DCHS2: variants seen among roughly 807,000 people sequenced by gnomAD.
DCHS2 encodes the protein protocadherin-23.
In DCHS2, 142 loss-of-function variants were observed where a neutral mutation model predicts 182.4. The ratio of observed to expected loss-of-function variants is 0.78; its 90% CI spans 0.68 to 0.89. DCHS2 has a LOEUF of 0.89. Among genes scored for constraint, DCHS2 ranks in the 40% least tolerant of loss-of-function variants. DCHS2 has a pLI of 0.00. For missense variants in DCHS2, 4,319 were observed against 4,198.6 expected, an observed-to-expected ratio of 1.03 and a Z score of -0.79; for synonymous variants, 1,740 against 1,663.3, an observed-to-expected ratio of 1.05 and a Z score of -1.12.
At chr4:154,459,970 C>A (rs1734945628) in intron 1 of DCHS2, among the ~76,000 whole-genome samples, 1 of 152,162 alleles carries the variant, frequency 6.6e-6, no homozygotes, top group South Asian at 2.1e-4. Context: ...GATGGACCAG[C>A]AGCTGATTGG....
chr4:154,364,845 A>G (rs1348936935), intron 3 of DCHS2, among the ~76,000 whole-genome samples: 1 of 152,198 alleles, frequency 6.6e-6, no homozygotes, highest in Non-Finnish European at 1.5e-5. Flanking sequence ...TATCATTACC[A>G]TTACAATAGA....
At chr4:154,300,121 G>A (rs777011027) in intron 12 of DCHS2, among the ~76,000 whole-genome samples, 6 of 152,150 alleles carry the variant, frequency 3.9e-5, no homozygotes, top group Admixed American at 3.3e-4. Flanking sequence ...GAATTAACAG[G>A]CTGCAAATGT....
intron 13 of DCHS2, among the ~76,000 whole-genome samples, chr4:154,283,789 C>T (rs1028733830): frequency 2.0e-5 from 3 of 152,110 alleles, no homozygotes; most frequent in Non-Finnish European, 4.4e-5. Flanking sequence ...GATTGTGGAC[C>T]TGGTGCTGCC....
chr4:154,432,003 A>G (rs1357716113), intron 1 of DCHS2, among the ~76,000 whole-genome samples: 1 of 152,198 alleles, frequency 6.6e-6, no homozygotes, highest in Non-Finnish European at 1.5e-5. Context: ...ATTTGTTTAT[A>G]AAGAAGGGAA....
intron 10 of DCHS2, among the ~76,000 whole-genome samples, chr4:154,309,164 C>A (rs1239112172): frequency 6.6e-6 from 1 of 152,148 alleles, no homozygotes; most frequent in Non-Finnish European, 1.5e-5. Flanking sequence ...TTCCCTCTGC[C>A]TGCTCTTTTC....
intron 1 of DCHS2, among the ~76,000 whole-genome samples, chr4:154,426,665 G>C (rs1354058592): frequency 6.6e-6 from 1 of 152,134 alleles, no homozygotes; most frequent in Non-Finnish European, 1.5e-5. Flanking sequence ...CAGGTGCGAT[G>C]GCTCATGCCT....
At chr4:154,473,374 G>A (rs1246360926) in intron 1 of DCHS2, among the ~76,000 whole-genome samples, 1 of 152,192 alleles carries the variant, frequency 6.6e-6, no homozygotes, top group East Asian at 1.9e-4. Flanking sequence ...TTCTTGTGCC[G>A]AGTGACCAGC....
rs1033412567 is a variant in DCHS2 at position 154,464,114 on chromosome 4, G to A, written c.2052+25190C>T. ...ACGGCAATGTCACCATGTAAAATGT[G>A]TGAGCAGGCAAAATTAGACTGGTCA... is the stretch of plus-strand genomic sequence containing the variant. On this transcript the variant is annotated intron_variant, in intron 1 of 19. Coordinates refer to ENST00000357232, the MANE Select transcript of DCHS2 (RefSeq NM_001358235.2). 3.3e-5 allele frequency among the ~76,000 whole-genome samples: 5 copies of A among 152,256 alleles called. No individual in the cohort carries two copies. In the East Asian group the frequency reaches 9.7e-4, roughly 29 times the overall value.
chr4:154,312,838 C>T (rs752642131), intron 10 of DCHS2, among the ~76,000 whole-genome samples: 1 of 152,168 alleles, frequency 6.6e-6, no homozygotes, highest in Non-Finnish European at 1.5e-5. Context: ...AGAATGGCAC[C>T]TTATAACTTC....
intron 1 of DCHS2, among the ~76,000 whole-genome samples, chr4:154,392,311 G>A (rs569038501): frequency 2.0e-5 from 3 of 152,220 alleles, no homozygotes; most frequent in Non-Finnish European, 2.9e-5. Context: ...TATATGTTTT[G>A]TAAAACAAAG....
chr4:154,400,942 CA>C (rs1732150174), intron 1 of DCHS2, among the ~76,000 whole-genome samples: 1 of 152,164 alleles, frequency 6.6e-6, no homozygotes, highest in African/African-American at 2.4e-5. Flanking sequence ...AATTTATATT[CA>C]GAGTTATGCA....
intron 16 of DCHS2, 95 bp downstream of exon 16, chr4:154,255,424 T>C: frequency 6.9e-7 from 1 of 1,446,050 alleles, no homozygotes; most frequent in Non-Finnish European, 9.1e-7. Context: ...CATTTTACAA[T>C]AAGCTTACGT....
intron 1 of DCHS2, among the ~76,000 whole-genome samples, chr4:154,442,578 G>A (rs1376750298): frequency 4.3e-5 from 5 of 117,642 alleles, no homozygotes; most frequent in East Asian, 2.8e-4. Context: ...CATTGCTTAC[G>A]TTGACACCTT....
In DCHS2 at chr4:154,259,722, A is replaced by G; in HGVS notation, c.6612T>C (p.Asp2204=). The change falls in exon 15 of 20, where the codon GAT becomes GAC. Residue 2204 remains aspartate, a synonymous_variant. Coordinates refer to ENST00000357232, the MANE Select transcript of DCHS2 (RefSeq NM_001358235.2). ...GTTGAACCTCATTTCTGACTTCAAAATCAAGAAACTTGGGTTCTTTCACAG... is the reference window on the plus strand; with the variant it reads ...GTTGAACCTCATTTCTGACTTCAAAGTCAAGAAACTTGGGTTCTTTCACAG... ...QLTVKEPKFL[D]FEVRNEVQLI... 6.2e-7 allele frequency: 1 copy of G among 1,614,010 alleles called. No homozygotes were observed. The highest frequency in any genetic ancestry group is 8.5e-7 in the Non-Finnish European group (1 of 1,179,942).
intron 13 of DCHS2, among the ~76,000 whole-genome samples, chr4:154,286,901 C>T (rs1734430000): frequency 6.6e-6 from 1 of 151,984 alleles, no homozygotes; most frequent in Non-Finnish European, 1.5e-5. Context: ...AGAAGACTAC[C>T]TCAAGGCATT....
chr4:154,381,818 A>G (rs1030290454), intron 1 of DCHS2, among the ~76,000 whole-genome samples: 1 of 152,208 alleles, frequency 6.6e-6, no homozygotes, highest in African/African-American at 2.4e-5. Context: ...TTCCATGCTC[A>G]TTGATTAGAA....
intron 12 of DCHS2, among the ~76,000 whole-genome samples, chr4:154,303,957 C>T (rs999392446): frequency 2.6e-5 from 4 of 152,060 alleles, no homozygotes; most frequent in Non-Finnish European, 1.5e-5. Context: ...TGGAATTCTC[C>T]TTGAACCCAT....
At chr4:154,377,025 T>C (rs1053309384) in intron 2 of DCHS2, among the ~76,000 whole-genome samples, 4 of 152,174 alleles carry the variant, frequency 2.6e-5, no homozygotes, top group African/African-American at 9.6e-5. Context: ...TTATTGTTAA[T>C]GTTTTGTAGT....
chr4:154,372,724 T>G (rs1730699383), intron 2 of DCHS2, among the ~76,000 whole-genome samples: 1 of 152,198 alleles, frequency 6.6e-6, no homozygotes, highest in African/African-American at 2.4e-5. Flanking sequence ...ATTCAATTGT[T>G]TGGTTACATT....
Sources: gnomAD v4.1 joint callset for allele counts (sites outside exome capture counted in the v4.1 genomes callset) on GRCh38, gnomAD v4.1.1 for gene constraint, MANE v1.5 for transcripts, NCBI Gene and HGNC (gene_info 2026-07-23, HGNC 2026-07-21) for gene names.